MRPL19: variants seen among roughly 807,000 people sequenced by gnomAD.
The protein encoded by MRPL19 is mitochondrial ribosomal protein L19, also known as large ribosomal subunit protein bL19m.
In MRPL19, 31 loss-of-function variants were observed where a neutral mutation model predicts 34.0. The ratio of observed to expected loss-of-function variants is 0.91; its 90% CI spans 0.68 to 1.23. The LOEUF (loss-of-function observed/expected upper bound fraction) is 1.23. Ranked by LOEUF, MRPL19 falls within the 50% of genes most tolerant of loss-of-function variation. MRPL19 has a pLI of 0.00. For synonymous variants in MRPL19, 152 were observed against 127.7 expected (o/e 1.19, Z -1.28); for missense variants, 384 against 367.6 (o/e 1.04, Z -0.37).
At chr2:75,651,319 C>T (rs190792110) in intron 2 of MRPL19, 12 of 523,484 alleles carry the variant, frequency 2.3e-5, no homozygotes, top group Admixed American at 1.4e-4. Flanking sequence ...GGTCTCTCCT[C>T]GACTTTTCAG....
Position 75,655,665 on chromosome 2 carries a change from T to C in MRPL19, c.*380T>C, listed in dbSNP as rs894439998. On this transcript the variant is annotated 3_prime_UTR_variant, in exon 6 of 6. Coordinates refer to ENST00000393909, the MANE Select transcript of MRPL19 (RefSeq NM_014763.4). ...GAATAATAAACATTCATGTACCCAC[T>C]ATCAGGTTAAGAAATAGAACATTTA... 7 of 157,340 alleles carry C rather than the reference T, an allele frequency of 4.4e-5. No individual in the cohort carries two copies. Among genetic ancestry groups the C allele is most frequent in the African/African-American group, 1.7e-4 (7 of 41,610 alleles). 9.7% of individuals were successfully genotyped at this position (157,340 alleles called of 1,614,324 possible).
In MRPL19 at chr2:75,655,217, A is replaced by C. The variant is rs774314818; in HGVS notation, c.811A>C (p.Arg271=). The change falls in exon 6 of 6, where the codon AGG becomes CGG. Residue 271 remains arginine, a synonymous_variant. Transcript: ENST00000393909. ...NQPWLEFDMM[R]EYDTSKIEAA... is the part of the protein sequence containing the mutation. ...GCCATGGCTTGAATTTGATATGATG[A>C]GGGAATATGATACTTCAAAAATTGA... 4 of 1,613,514 alleles carry C rather than the reference A, an allele frequency of 2.5e-6. No homozygotes were observed. In the African/African-American group the frequency reaches 5.3e-5, roughly 22 times the overall value.
In MRPL19 at chr2:75,647,109, C is replaced by G; in HGVS notation, c.111C>G (p.His37Gln). 1 of 1,585,822 alleles carries G rather than the reference C, an allele frequency of 6.3e-7. No individual in the cohort carries two copies. ...CGTCGTCCGCTCCCGCAGGGGTCCA[C>G]GCGGGGCCTGTCCGGCAGCAGAGCA... is the stretch of plus-strand genomic sequence containing the variant. The part of the protein sequence containing the change: ...PPPASIACRV[H>Q]AGPVRQQSTG... Residue 37 changes from histidine to glutamine, a missense_variant, in exon 2 of 6, where the codon CAC becomes CAG. Physicochemically the swap from His to Gln is conservative, Grantham distance 24. Transcript: ENST00000393909.
chr2:75,654,884 A>G lies in MRPL19; in HGVS notation c.624A>G (p.Val208=). The G allele has an allele frequency of 6.2e-7, 1 of 1,613,754 alleles. No individual in the cohort carries two copies. Among genetic ancestry groups the G allele is most frequent in the Non-Finnish European group, 8.5e-7 (1 of 1,179,822 alleles). ...STFDVNMKPV[V]QEPNQKVPVN... ...TTGATGTGAATATGAAGCCAGTAGTACAAGAGCCTAACCAAAAAGTTCCTG... is the reference window on the plus strand; with the variant it reads ...TTGATGTGAATATGAAGCCAGTAGTGCAAGAGCCTAACCAAAAAGTTCCTG... Residue 208 remains valine (V), a synonymous_variant, in exon 5 of 6, where the codon GTA becomes GTG. Coordinates refer to ENST00000393909, the MANE Select transcript of MRPL19 (RefSeq NM_014763.4).
chr2:75,654,660 A>T (rs1678399005), intron 4 of MRPL19, 76 bp from the exon 5 acceptor site: 3 of 1,339,908 alleles, frequency 2.2e-6, no homozygotes, highest in Non-Finnish European at 3.0e-6. Context: ...CCTTTATGAA[A>T]TGCTTTTACT....
intron 1 of MRPL19, 67 bp downstream of exon 1, chr2:75,646,977 C>G: frequency 5.4e-6 from 8 of 1,492,188 alleles, no homozygotes; most frequent in Non-Finnish European, 7.2e-6. Context: ...GGGAGGCGAA[C>G]CTGGAGATCA....
chr2:75,656,901 C>T lies in MRPL19; in HGVS notation c.*1616C>T, dbSNP rs948232593. 2 of 152,072 alleles carry T rather than the reference C, an allele frequency of 1.3e-5. No homozygotes were observed. Among genetic ancestry groups the T allele is most frequent in the Non-Finnish European group, 2.9e-5 (2 of 67,992 alleles). 9.4% of individuals were successfully genotyped at this position (152,072 alleles called of 1,614,324 possible). On this transcript the variant is annotated 3_prime_UTR_variant, in exon 6 of 6. Coordinates refer to ENST00000393909, the MANE Select transcript of MRPL19 (RefSeq NM_014763.4). ...ATATCCAGCACTGGGTATCTATTTT[C>T]TTACCTCCCTCCCTTGACCCCAGTC... is the stretch of plus-strand genomic sequence containing the variant.
rs761470077 is a variant in MRPL19, at chr2:75,659,122, T to G, written c.*3837T>G. Among the ~76,000 whole-genome samples, 2 of 152,134 alleles carry G rather than the reference T, an allele frequency of 1.3e-5. No individual in the cohort carries two copies. The highest frequency in any genetic ancestry group is 2.4e-5 in the African/African-American group (1 of 41,448). Reference sequence around the variant, plus strand: ...TTTATGGCCTTCTTTTCTGTTTTTTTGTAGTGAACTAGTCTGATTCTCTTT... The same window carrying G: ...TTTATGGCCTTCTTTTCTGTTTTTTGGTAGTGAACTAGTCTGATTCTCTTT... On this transcript the variant is annotated 3_prime_UTR_variant, in exon 6 of 6. Transcript: ENST00000393909.
chr2:75,653,643 C>T (rs559668767), intron 4 of MRPL19, among the ~76,000 whole-genome samples: 7 of 152,164 alleles, frequency 4.6e-5, no homozygotes, highest in Non-Finnish European at 1.0e-4. Flanking sequence ...TGTTCGGTGG[C>T]TTTGTATACC....
At chr2:75,651,865 T>C in intron 2 of MRPL19, 1 of 248,854 alleles carries the variant, frequency 4.0e-6, no homozygotes. Context: ...TTTCTTGCTC[T>C]GTAAAAAGGA....
In MRPL19 at chr2:75,647,198, G is replaced by A. The variant is rs1678242813; in HGVS notation, c.200G>A (p.Arg67His). 4 of 1,580,536 alleles carry A rather than the reference G, an allele frequency of 2.5e-6. No individual in the cohort carries two copies. The highest frequency in any genetic ancestry group is 2.3e-5 in the East Asian group (1 of 43,006). The change falls in exon 2 of 6, where the codon CGC becomes CAC. Residue 67 changes from arginine to histidine, a missense_variant. Physicochemically the swap from Arg to His is conservative, Grantham distance 29 (BLOSUM62 0). Coordinates refer to ENST00000393909, the MANE Select transcript of MRPL19 (RefSeq NM_014763.4). ...AAACCGGTCATCGTGGACAAGCACC[G>A]CCCCGTGGAACCGGAACGCAGGTGA... ...PPKPVIVDKH[R>H]PVEPERRFLS...
Position 75,654,765 on chromosome 2 carries a change from C to T in MRPL19, c.505C>T (p.Pro169Ser). The change falls in exon 5 of 6, where the codon CCT (proline) becomes TCT (serine). Residue 169 changes from proline (P) to serine (S), a missense_variant. Transcript: ENST00000393909. ...GVEICFELYNPRVQEIQVVKL... is the reference protein window; with the variant it reads ...GVEICFELYNSRVQEIQVVKL... The stretch of plus-strand genomic sequence containing the variant: ...CGAGATTTGCTTTGAACTTTATAAT[C>T]CTCGGGTCCAGGAGATTCAGGTGGT... 1.2e-6 allele frequency: 2 copies of T among 1,613,728 alleles called. No individual in the cohort carries two copies. The highest frequency in any genetic ancestry group is 2.2e-5 in the South Asian group (2 of 91,062).
intron 2 of MRPL19, chr2:75,651,612 C>T: frequency 5.2e-6 from 2 of 381,308 alleles, no homozygotes; most frequent in Admixed American, 3.3e-5. Context: ...TCCTTCAGCA[C>T]CATCTCCAGG....
At chr2:75,650,975 C>T (rs1678320178) in intron 2 of MRPL19, among the ~76,000 whole-genome samples, 1 of 152,104 alleles carries the variant, frequency 6.6e-6, no homozygotes. Flanking sequence ...CAGAGACAGT[C>T]AGTAGGGAGT....
In MRPL19 at chr2:75,656,639, T is replaced by C. The variant is rs1678459775; in HGVS notation, c.*1354T>C. The C allele has an allele frequency of 6.6e-6, 1 of 152,140 alleles. No individual in the cohort carries two copies. 9.4% of individuals were successfully genotyped at this position (152,140 alleles called of 1,614,324 possible). ...TCCTTCAGGACTTTAAAAATATTGT[T>C]GCTCCATTTTCTTTGTTTCTATTGT... is the stretch of plus-strand genomic sequence containing the variant. On this transcript the variant is annotated 3_prime_UTR_variant, in exon 6 of 6. Coordinates refer to ENST00000393909, the MANE Select transcript of MRPL19 (RefSeq NM_014763.4).
At chr2:75,652,287 A>T (rs1470617007) in intron 3 of MRPL19, 27 bp downstream of exon 3, 1 of 1,442,420 alleles carries the variant, frequency 6.9e-7, no homozygotes, top group South Asian at 1.2e-5. Flanking sequence ...TGTTTTTATT[A>T]TTAGTAATTA....
chr2:75,658,484 G>C lies in MRPL19; in HGVS notation c.*3199G>C, dbSNP rs1678517945. On this transcript the variant is annotated 3_prime_UTR_variant, in exon 6 of 6. Transcript: ENST00000393909. ...ACATTGACATAACAAGTATGTATTT[G>C]ATTGCCTGTTTCTAAGTTCTTTTGG... Among the ~76,000 whole-genome samples, 1 of 152,094 alleles carries C rather than the reference G, an allele frequency of 6.6e-6. No homozygotes were observed.
chr2:75,651,219 A>G (rs1304990880), intron 2 of MRPL19: 1 of 421,620 alleles, frequency 2.4e-6, no homozygotes, highest in South Asian at 1.8e-5. Flanking sequence ...TAATCCACCA[A>G]CCCAAATCCC....
At chr2:75,647,826 A>G (rs1161652754) in intron 2 of MRPL19, 1 of 152,170 alleles carries the variant, frequency 6.6e-6, no homozygotes, top group Non-Finnish European at 1.5e-5. Flanking sequence ...TGATATGATT[A>G]TAGGCTTTTT....
Sources: gnomAD v4.1 joint callset for allele counts (sites outside exome capture counted in the v4.1 genomes callset) on GRCh38, gnomAD v4.1.1 for gene constraint, MANE v1.5 for transcripts, NCBI Gene and HGNC (gene_info 2026-07-23, HGNC 2026-07-21) for gene names.